XAF1: variants seen among roughly 807,000 people sequenced by gnomAD.
XAF1 encodes XIAP associated factor 1, also known as XIAP-associated factor 1.
A neutral mutation model predicts 32.3 loss-of-function variants in XAF1; 32 were observed. The ratio of observed to expected loss-of-function variants is 0.99; its 90% CI spans 0.75 to 1.33. The LOEUF (loss-of-function observed/expected upper bound fraction) is 1.33. XAF1 is among the 40% of genes most tolerant of loss of function. The pLI is 0.00. For missense variants in XAF1, 379 were observed against 366.0 expected (o/e 1.04, Z -0.29); for synonymous variants, 120 against 125.9 (o/e 0.95, Z 0.31).
intron 6 of XAF1, chr17:6,771,977 C>T (rs924998039): frequency 5.9e-5 from 9 of 152,176 alleles, no homozygotes; most frequent in African/African-American, 1.9e-4. Flanking sequence ...TCTTACTATA[C>T]TTTTTACTCT....
At chr17:6,760,238 C>T (rs1414299899) in intron 3 of XAF1, among the ~76,000 whole-genome samples, 168 bp from the exon 4 acceptor site, 10 of 149,690 alleles carry the variant, frequency 6.7e-5, no homozygotes, top group African/African-American at 2.0e-4. Context: ...GTCCCAGCCA[C>T]TTGGGAGGCT....
At chr17:6,758,854 C>T in intron 2 of XAF1, 2 of 218,224 alleles carry the variant, frequency 9.2e-6, no homozygotes, top group South Asian at 9.0e-5. Flanking sequence ...GTTCCATCTT[C>T]CCTGCAGGAG....
intron 5 of XAF1, among the ~76,000 whole-genome samples, chr17:6,764,700 T>A (rs750794003): frequency 2.4e-4 from 37 of 152,208 alleles, no homozygotes; most frequent in Non-Finnish European, 4.3e-4. Flanking sequence ...TCCCATTTCC[T>A]ATAAGCTACC....
intron 3 of XAF1, chr17:6,759,970 C>T (rs2151532711): frequency 1.6e-6 from 1 of 625,998 alleles, no homozygotes. Context: ...CAGTCCCGCA[C>T]TCTGGCCCTT....
At chr17:6,756,190 A>T (rs1417349506) in intron 1 of XAF1, 80 bp downstream of exon 1, 4 of 1,608,588 alleles carry the variant, frequency 2.5e-6, no homozygotes, top group Non-Finnish European at 3.4e-6. Flanking sequence ...TTCTGAAGGG[A>T]GCAGAAAGTG....
At position 6,774,184 on chromosome 17, in the gene XAF1, C is replaced by G. The variant is rs1422497064; in HGVS notation, c.*1015C>G. 3 of 152,224 alleles carry G rather than the reference C, an allele frequency of 2.0e-5. No homozygotes were observed. The highest frequency in any genetic ancestry group is 1.3e-4 in the Admixed American group (2 of 15,284). The allele number at this position is 152,224 out of a possible 1,614,324, so 9.4% of individuals were successfully genotyped here. A position where few individuals can be genotyped will look rare whatever the true frequency, so the allele number is the denominator to read the frequency against. ...CTACAGTAACCAAAACTGCATGATACTGGTACAAAAGCATGGTGCTGGTAC... is the reference window on the plus strand; with the variant it reads ...CTACAGTAACCAAAACTGCATGATAGTGGTACAAAAGCATGGTGCTGGTAC... On this transcript the variant is annotated 3_prime_UTR_variant, in exon 7 of 7. Transcript: ENST00000361842.
At chr17:6,756,793 T>C (rs1974710405) in intron 1 of XAF1, among the ~76,000 whole-genome samples, 1 of 152,116 alleles carries the variant, frequency 6.6e-6, no homozygotes, top group South Asian at 2.1e-4. Context: ...ATGCTGCCTG[T>C]GTGCCCGCTG....
rs751988265 is a variant in XAF1, at chr17:6,756,057, G to A, written c.-22G>A. ...TGCCTGCAAGAAACGAAACTCAACC[G>A]AAAGCCTGCAGAGAGCAGAACATGG... On this transcript the variant is annotated 5_prime_UTR_variant, in exon 1 of 7. Coordinates refer to ENST00000361842, the MANE Select transcript of XAF1 (RefSeq NM_017523.5). 14 of 1,613,676 alleles carry A rather than the reference G, an allele frequency of 8.7e-6. No individual in the cohort carries two copies. The highest frequency in any genetic ancestry group is 1.7e-5 in the Admixed American group (1 of 59,978).
At chr17:6,758,014 G>C in intron 1 of XAF1, 75 bp from the exon 2 acceptor site, 1 of 1,595,686 alleles carries the variant, frequency 6.3e-7, no homozygotes, top group East Asian at 2.2e-5. Flanking sequence ...TCTAGCCCTG[G>C]GTATGAAATA....
intron 5 of XAF1, among the ~76,000 whole-genome samples, chr17:6,765,346 G>C (rs1341911260): frequency 1.3e-5 from 2 of 152,130 alleles, no homozygotes; most frequent in Non-Finnish European, 2.9e-5. Context: ...CCAGGAGGCG[G>C]AGCTTGCAGT....
In XAF1 at chr17:6,770,972, A is replaced by T; in HGVS notation, c.837A>T (p.Leu279=). ...GCATCCTGCTTCCCCTGCCGATCCT[A>T]AATCAACATCAGGTACTCAGCCTCT... The part of the protein sequence containing the change: ...QCGILLPLPI[L]NQHQEKCRWL... Residue 279 remains leucine (L), a synonymous_variant, in exon 6 of 7, where the codon CTA becomes CTT. Transcript: ENST00000361842. The T allele has an allele frequency of 6.2e-7, 1 of 1,614,132 alleles. No individual in the cohort carries two copies. Among genetic ancestry groups the T allele is most frequent in the Non-Finnish European group, 8.5e-7 (1 of 1,180,004 alleles).
In XAF1 at chr17:6,774,120, G is replaced by C. The variant is rs1976260368; in HGVS notation, c.*951G>C. 1 of 152,112 alleles carries C rather than the reference G, an allele frequency of 6.6e-6. No homozygotes were observed. Among genetic ancestry groups the C allele is most frequent in the African/African-American group, 2.4e-5 (1 of 41,428 alleles). 9.4% of individuals were successfully genotyped at this position (152,112 alleles called of 1,614,324 possible). ...ATCCTAAGCAAAAAGAACAAAGCTGGAGGCATCGCATTACCCAACTTCAAA... is the reference window on the plus strand; with the variant it reads ...ATCCTAAGCAAAAAGAACAAAGCTGCAGGCATCGCATTACCCAACTTCAAA... On this transcript the variant is annotated 3_prime_UTR_variant, in exon 7 of 7. Transcript: ENST00000361842.
chr17:6,769,695 T>G (rs1245082965), intron 5 of XAF1, among the ~76,000 whole-genome samples: 1 of 152,178 alleles, frequency 6.6e-6, no homozygotes, highest in Non-Finnish European at 1.5e-5. Context: ...TTTGAGGCTG[T>G]TGTCCCTCCA....
chr17:6,759,642 G>A lies in XAF1; in HGVS notation c.169-20G>A, dbSNP rs749182373. 80 of 1,610,348 alleles carry A rather than the reference G, an allele frequency of 5.0e-5. No individual in the cohort carries two copies. The highest frequency in any genetic ancestry group is 6.7e-5 in the Admixed American group (4 of 59,982). On this transcript the variant is annotated intron_variant, in intron 2 of 6. Transcript: ENST00000361842. ...GGACCCACATCTGGTGTGTGTGTGT[G>A]TGTGTGTGTGTGTGTTTAGGTTGGG...
At position 6,774,252 on chromosome 17, in the gene XAF1, G is replaced by C. The variant is rs1436206202; in HGVS notation, c.*1083G>C. 1 of 152,194 alleles carries C rather than the reference G, an allele frequency of 6.6e-6. No individual in the cohort carries two copies. Among genetic ancestry groups the C allele is most frequent in the Admixed American group, 6.5e-5 (1 of 15,282 alleles). The allele number at this position is 152,194 out of a possible 1,614,324, so 9.4% of individuals were successfully genotyped here. On this transcript the variant is annotated 3_prime_UTR_variant, in exon 7 of 7. Transcript: ENST00000361842. The stretch of plus-strand genomic sequence containing the variant: ...TCAATGGAACAGAATAGAGGGCCCA[G>C]AAATAAAGCTACACACCTACAACCA...
In XAF1 at chr17:6,759,660, A is replaced by G; in HGVS notation, c.169-2A>G. The stretch of plus-strand genomic sequence containing the variant: ...TGTGTGTGTGTGTGTGTGTGTGTTT[A>G]GGTTGGGTGTACGATGTGTCAGCAG... On this transcript the variant is annotated splice_acceptor_variant, in intron 2 of 6. Coordinates refer to ENST00000361842, the MANE Select transcript of XAF1 (RefSeq NM_017523.5). LOFTEE classifies it high-confidence loss of function. 1 of 1,606,528 alleles carries G rather than the reference A, an allele frequency of 6.2e-7. No homozygotes were observed. The highest frequency in any genetic ancestry group is 2.2e-5 in the East Asian group (1 of 44,740).
At chr17:6,755,464 C>A (rs1390597090), upstream of XAF1, 11 of 986,478 alleles carry the variant, frequency 1.1e-5, no homozygotes, top group Non-Finnish European at 1.3e-5. Flanking sequence ...GTTTAGAGTT[C>A]TTCTGTTAGC....
rs868800281 is a variant in XAF1, at chr17:6,773,174, G to A, written c.*5G>A. On this transcript the variant is annotated 3_prime_UTR_variant, in exon 7 of 7. Transcript: ENST00000361842. ...CAAGTGAGAAATTTCAGCTAGATTT[G>A]GAAAAGGAAAGGTACTACAAATTCA... is the stretch of plus-strand genomic sequence containing the variant. 6.2e-7 allele frequency: 1 copy of A among 1,602,246 alleles called. No individual in the cohort carries two copies.
In XAF1 at chr17:6,774,529, T is replaced by C. The variant is rs1191822799; in HGVS notation, c.*1360T>C. ...ACGGAAAAAGATTTCATGACAAAGA[T>C]CCCAAAAATAATTGTAACGAAAGCA... is the stretch of plus-strand genomic sequence containing the variant. On this transcript the variant is annotated 3_prime_UTR_variant, in exon 7 of 7. Coordinates refer to ENST00000361842, the MANE Select transcript of XAF1 (RefSeq NM_017523.5). 2.0e-5 allele frequency: 3 copies of C among 152,012 alleles called. No homozygotes were observed. Among genetic ancestry groups the C allele is most frequent in the Admixed American group, 2.0e-4 (3 of 15,258 alleles). The allele number at this position is 152,012 out of a possible 1,614,324, so 9.4% of individuals were successfully genotyped here. A position where few individuals can be genotyped will look rare whatever the true frequency, so the allele number is the denominator to read the frequency against.
Sources: allele counts gnomAD v4.1 joint callset (sites outside exome capture counted in the v4.1 genomes callset), GRCh38; gene constraint gnomAD v4.1.1; transcripts MANE v1.5; gene names NCBI Gene and HGNC (gene_info 2026-07-23, HGNC 2026-07-21).